Variants in ACTN1 observed in about 807,000 individuals in gnomAD.
ACTN1 encodes the protein actinin alpha 1.
Under a neutral mutation model 119.6 loss-of-function variants are expected in ACTN1, and 30 were observed. The observed-to-expected ratio is 0.25, with a 90% confidence interval of 0.19 to 0.34. The LOEUF is 0.34. Among genes scored for constraint, ACTN1 ranks in the 10% least tolerant of loss-of-function variants. The pLI is 1.00. For missense variants in ACTN1, 764 were observed against 1,223.4 expected (o/e 0.62, Z 5.60); for synonymous variants, 429 against 472.6 (o/e 0.91, Z 1.20).
intron 1 of ACTN1, among the ~76,000 whole-genome samples, chr14:68,928,668 T>G (rs1182749915): frequency 1.3e-5 from 2 of 152,116 alleles, no homozygotes; most frequent in Non-Finnish European, 2.9e-5. Context: ...AAAACATCTG[T>G]AAAAAACTTG....
In ACTN1 at chr14:68,892,265, G is replaced by C. The variant is rs377559061; in HGVS notation, c.874C>G (p.Arg292Gly). ...LASDLLEWIRRTIPWLENRVP... is the reference protein window; with the variant it reads ...LASDLLEWIRGTIPWLENRVP... Reference sequence around the variant, plus strand: ...CGGTTCTCCAGCCACGGGATTGTGCGGCGGATCCACTCCAACAGCTAGGGT... The same window carrying C: ...CGGTTCTCCAGCCACGGGATTGTGCCGCGGATCCACTCCAACAGCTAGGGT... The change falls in exon 10 of 22, where the codon CGC becomes GGC. Residue 292 changes from arginine to glycine, a missense_variant. Transcript: ENST00000394419. 1.9e-6 allele frequency: 3 copies of C among 1,613,238 alleles called. No individual in the cohort carries two copies. The highest frequency in any genetic ancestry group is 2.2e-5 in the South Asian group (2 of 91,010).
In ACTN1 at chr14:68,925,427, T is replaced by C. The variant is rs2034874283; in HGVS notation, c.220+131A>G. 1.8e-6 allele frequency: 1 copy of C among 540,680 alleles called. No individual in the cohort carries two copies. The highest frequency in any genetic ancestry group is 3.0e-5 in the South Asian group (1 of 33,516). 33.5% of individuals were successfully genotyped at this position (540,680 alleles called of 1,614,324 possible). On this transcript the variant is annotated intron_variant, in intron 2 of 21. Transcript: ENST00000394419. The surrounding 1 kb of genome is among the most constrained non-coding windows in gnomAD (Gnocchi z 4.3). ...AGAACTCAGACCCACGCTCCTAGGATGAATTCATACATGTCATCCCCAACT... is the reference window on the plus strand; with the variant it reads ...AGAACTCAGACCCACGCTCCTAGGACGAATTCATACATGTCATCCCCAACT...
rs533435948 is a variant in ACTN1 at position 68,878,293 on chromosome 14, C to G, written c.2427+165G>C. ...GATACACACACGCCCGTGGCCGGGC[C>G]GGCTTTCAGGGAGCCATCTTCCCCA... On this transcript the variant is annotated intron_variant, in intron 20 of 21. Transcript: ENST00000394419. This position sits in a 1 kb window ranked among gnomAD's most constrained non-coding sequence, Gnocchi z 4.4. 1.8e-5 allele frequency: 19 copies of G among 1,040,854 alleles called. No individual in the cohort carries two copies. The East Asian group carries it at 3.2e-4, about 18-fold the overall frequency. 64.5% of individuals were successfully genotyped at this position (1,040,854 alleles called of 1,614,324 possible).
chr14:68,948,446 C>T (rs1003786410), intron 1 of ACTN1, among the ~76,000 whole-genome samples: 2 of 152,072 alleles, frequency 1.3e-5, no homozygotes, highest in Non-Finnish European at 2.9e-5. Context: ...GGCATGGTGG[C>T]GAGCGCCTGT....
intron 1 of ACTN1, among the ~76,000 whole-genome samples, chr14:68,951,334 C>T (rs2036160973): frequency 6.6e-6 from 1 of 152,162 alleles, no homozygotes. Flanking sequence ...ATGGAGAAAC[C>T]ACCCCACCGT....
At chr14:68,952,560 T>G (rs1250508109) in intron 1 of ACTN1, among the ~76,000 whole-genome samples, 1 of 152,250 alleles carries the variant, frequency 6.6e-6, no homozygotes, top group Non-Finnish European at 1.5e-5. Context: ...GCCCTGTCCC[T>G]GTGCCGCAAT....
intron 8 of ACTN1, among the ~76,000 whole-genome samples, chr14:68,897,813 T>C (rs1280550799): frequency 2.0e-5 from 3 of 152,174 alleles, no homozygotes; most frequent in Admixed American, 1.3e-4. Context: ...TCACGGTGAG[T>C]GGGCCAGGGT....
At position 68,877,231 on chromosome 14, in the gene ACTN1, C is replaced by T; in HGVS notation, c.2437G>A (p.Glu813Lys). 1 of 1,614,150 alleles carries T rather than the reference C, an allele frequency of 6.2e-7. No homozygotes were observed. ...ISMGYNMGEAEFARIMSIVDP... is the reference protein window; with the variant it reads ...ISMGYNMGEAKFARIMSIVDP... ...ACAATGCTCATGATGCGGGCAAATT[C>T]TGCTTCTCCCTGGAGGGAACAGCCA... Residue 813 changes from glutamate to lysine, a missense_variant, in exon 21 of 22, where the codon GAA becomes AAA. Glu to Lys is a moderately conservative substitution (Grantham distance 56). Around this residue, in one of 4 missense-constraint regions of ACTN1, gnomAD observed 544 missense variants for 912.0 expected, o/e 0.60. Transcript: ENST00000394419.
At chr14:68,952,317 C>G (rs2036195921) in intron 1 of ACTN1, among the ~76,000 whole-genome samples, 1 of 152,206 alleles carries the variant, frequency 6.6e-6, no homozygotes, top group African/African-American at 2.4e-5. Context: ...AATGACCCAC[C>G]CGGGACCCTG....
At chr14:68,964,774 T>C (rs1483745081) in intron 1 of ACTN1, among the ~76,000 whole-genome samples, 3 of 152,188 alleles carry the variant, frequency 2.0e-5, no homozygotes, top group Non-Finnish European at 4.4e-5. Context: ...GTGCTGGACA[T>C]GCGGTAATAA....
At chr14:68,954,078 A>G (rs1232823292) in intron 1 of ACTN1, among the ~76,000 whole-genome samples, 3 of 152,180 alleles carry the variant, frequency 2.0e-5, no homozygotes, top group African/African-American at 7.2e-5. Flanking sequence ...TTACTACACT[A>G]TCTTCCTTAT....
Position 68,881,936 on chromosome 14 carries a change from C to CTTTTTTTTTTTTT in ACTN1, c.1953+509_1953+521dup, listed in dbSNP as rs781067137. ...AGTATGGGACTTTCATAGGCAGCTT[C>CTTTTTTTTTTTTT]TTTTTTTTTTTTTTTTTTTGACAGA... On this transcript the variant is annotated intron_variant, in intron 16 of 21. Coordinates refer to ENST00000394419, the MANE Select transcript of ACTN1 (RefSeq NM_001130004.2). 7.4e-4 allele frequency among the ~76,000 whole-genome samples: 43 copies of CTTTTTTTTTTTTT among 58,394 alleles called. 3 individuals carry two copies. The highest frequency in any genetic ancestry group is 2.3e-3 in the African/African-American group (22 of 9,526). 38.3% of individuals were successfully genotyped at this position (58,394 alleles called of 152,430 possible).
Position 68,882,148 on chromosome 14 carries a change from C to A in ACTN1, c.1953+310G>T, listed in dbSNP as rs61987513. The stretch of plus-strand genomic sequence containing the variant: ...ACGGGGTTTCACCATGTTGGCCAGG[C>A]TGGTCTCGAACTCCTGACCTCAGGT... On this transcript the variant is annotated intron_variant, in intron 16 of 21. Transcript: ENST00000394419. This position sits in a 1 kb window ranked among gnomAD's most constrained non-coding sequence, Gnocchi z 4.5. Among the ~76,000 whole-genome samples the A allele has an allele frequency of 0.13, 19,105 of 151,810 alleles. 1,310 individuals are homozygous for A. Among genetic ancestry groups the A allele is most frequent in the Non-Finnish European group, 0.14 (9,749 of 67,866 alleles).
At chr14:68,938,919 T>C (rs915330535) in intron 1 of ACTN1, among the ~76,000 whole-genome samples, 1 of 150,272 alleles carries the variant, frequency 6.7e-6, no homozygotes, top group Non-Finnish European at 1.5e-5. Flanking sequence ...GAGGGGGGAG[T>C]GGAGCCTGCA....
chr14:68,936,650 G>A, intron 1 of ACTN1: 1 of 621,256 alleles, frequency 1.6e-6, no homozygotes, highest in Admixed American at 2.0e-5. Context: ...GCCCATGGGG[G>A]AAGAGCCAGT....
intron 3 of ACTN1, among the ~76,000 whole-genome samples, chr14:68,920,497 G>C (rs774903386): frequency 3.9e-5 from 6 of 152,124 alleles, no homozygotes; most frequent in Non-Finnish European, 7.4e-5. Context: ...TAGCTTTTTT[G>C]GTAAGTGTTT....
At chr14:68,916,129 CA>C (rs1566633119) in intron 3 of ACTN1, among the ~76,000 whole-genome samples, 1 of 152,134 alleles carries the variant, frequency 6.6e-6, no homozygotes. Context: ...ATTTCATAAA[CA>C]GTGTTTAAAA....
intron 1 of ACTN1, among the ~76,000 whole-genome samples, chr14:68,967,712 A>T (rs1421651118): frequency 6.6e-6 from 1 of 152,226 alleles, no homozygotes; most frequent in Non-Finnish European, 1.5e-5. Context: ...AGAAGGCAAG[A>T]GGAGGGAAAT....
intron 4 of ACTN1, among the ~76,000 whole-genome samples, chr14:68,911,028 C>T (rs2140296565): frequency 6.6e-6 from 1 of 152,314 alleles, no homozygotes; most frequent in East Asian, 1.9e-4. Context: ...CGGACTAATA[C>T]ACCCTGTGTT....
Sources: allele counts gnomAD v4.1 joint callset (sites outside exome capture counted in the v4.1 genomes callset), GRCh38; gene constraint gnomAD v4.1.1; regional missense constraint gnomAD v4.1.1; non-coding constraint Gnocchi (gnomAD v3.1); transcripts MANE v1.5; gene names NCBI Gene and HGNC (gene_info 2026-07-23, HGNC 2026-07-21).